Variants in USP19 observed in about 807,000 individuals in gnomAD.
USP19 encodes the protein ubiquitin specific peptidase 19.
Under a neutral mutation model 144.8 loss-of-function variants are expected in USP19, and 40 were observed. The ratio of observed to expected loss-of-function variants is 0.28; its 90% CI spans 0.21 to 0.36. The LOEUF is 0.36. USP19 is among the 10% of genes least tolerant of loss of function. USP19 has a pLI of 1.00. For missense variants in USP19, 1,518 were observed against 1,822.5 expected (o/e 0.83, Z 3.04); for synonymous variants, 701 against 709.3 (o/e 0.99, Z 0.19).
rs1476776437 is a variant in USP19, at chr3:49,111,545, C to T, written c.3172G>A (p.Glu1058Lys). 6.2e-7 allele frequency: 1 copy of T among 1,612,648 alleles called. No homozygotes were observed. Among genetic ancestry groups the T allele is most frequent in the South Asian group, 1.1e-5 (1 of 91,072 alleles). Reference sequence around the variant, plus strand: ...TCGCCAGCTGGCAAGGAGCCAACCTCAATGGGCCCACTGGCCAGCATCTCA... The same window carrying T: ...TCGCCAGCTGGCAAGGAGCCAACCTTAATGGGCCCACTGGCCAGCATCTCA... Reference protein sequence around the residue: ...SSEMLASGPIEVGSLPAGERV... With the variant: ...SSEMLASGPIKVGSLPAGERV... Residue 1058 changes from glutamate to lysine, a missense_variant, in exon 21 of 27, where the codon GAG becomes AAG. Coordinates refer to ENST00000417901, the MANE Select transcript of USP19 (RefSeq NM_001199161.2). This position sits in a 1 kb window ranked among gnomAD's most constrained non-coding sequence, Gnocchi z 5.9.
rs1489017252 is a variant in USP19, at chr3:49,110,218, T to C, written c.4004A>G (p.Asp1335Gly). The change falls in exon 26 of 27, where the codon GAC (aspartate) becomes GGC (glycine). Residue 1335 changes from aspartate to glycine, a missense_variant. Physicochemically the swap from Asp to Gly is moderately conservative, Grantham distance 94. This residue lies in a region of USP19 where 118 missense variants were observed against 100.2 expected (regional missense o/e 1.18). Transcript: ENST00000417901. The surrounding 1 kb of genome is among the most constrained non-coding windows in gnomAD (Gnocchi z 6.1). ...PRAGHSEHHP[D>G]LGPAAEAAAS... is the part of the protein sequence containing the mutation. ...AGCAGCCTCAGCTGCAGGGCCTAGG[T>C]CTGGGTGGTGCTCAGAGTGACCTGC... 3.2e-6 allele frequency: 5 copies of C among 1,558,530 alleles called. No homozygotes were observed. Among genetic ancestry groups the C allele is most frequent in the Non-Finnish European group, 4.3e-6 (5 of 1,152,300 alleles).
chr3:49,115,117 C>T lies in USP19; in HGVS notation c.2023G>A (p.Ala675Thr), dbSNP rs533337674. 1 of 1,613,910 alleles carries T rather than the reference C, an allele frequency of 6.2e-7. No individual in the cohort carries two copies. The highest frequency in any genetic ancestry group is 2.2e-5 in the East Asian group (1 of 44,870). ...HHAFQPSKLK[A>T]IVASKASQFT... The stretch of plus-strand genomic sequence containing the variant: ...TGGCTGGCCTTACTCGCCACAATGG[C>T]CTGGATACAGGAGCCAAGGTGTGAA... The change falls in exon 14 of 27, where the codon GCC (alanine) becomes ACC (threonine). Residue 675 changes from alanine to threonine, a missense_variant and splice_region_variant. Around this residue, in one of 5 missense-constraint regions of USP19, gnomAD observed 158 missense variants for 277.3 expected, o/e 0.57. Coordinates refer to ENST00000417901, the MANE Select transcript of USP19 (RefSeq NM_001199161.2). This position sits in a 1 kb window ranked among gnomAD's most constrained non-coding sequence, Gnocchi z 6.6.
At position 49,116,872 on chromosome 3, in the gene USP19, A is replaced by G. The variant is rs542755150; in HGVS notation, c.981T>C (p.Asn327=). 1 of 1,614,098 alleles carries G rather than the reference A, an allele frequency of 6.2e-7. No individual in the cohort carries two copies. The highest frequency in any genetic ancestry group is 1.3e-5 in the African/African-American group (1 of 75,024). The change falls in exon 7 of 27, where the codon AAT becomes AAC. Residue 327 remains asparagine (N), a synonymous_variant. Transcript: ENST00000417901. This position sits in a 1 kb window ranked among gnomAD's most constrained non-coding sequence, Gnocchi z 5.0. ...SQTCLLGSEE[N]LAPLAGEKAV... is the part of the protein sequence containing the mutation. Reference sequence around the variant, plus strand: ...CTTTCTCTCCTGCCAAAGGGGCTAAATTCTCCTCTGAGCCCAGGAGGCAGG... The same window carrying G: ...CTTTCTCTCCTGCCAAAGGGGCTAAGTTCTCCTCTGAGCCCAGGAGGCAGG...
chr3:49,113,620 C>G (rs1013794233), intron 17 of USP19, among the ~76,000 whole-genome samples: 2 of 151,724 alleles, frequency 1.3e-5, no homozygotes, highest in African/African-American at 2.4e-5. Flanking sequence ...ATTTTTGAGA[C>G]AGAGTCTCAC....
At position 49,112,078 on chromosome 3, in the gene USP19, C is replaced by T. The variant is rs2043243445; in HGVS notation, c.2766-30G>A. 6.2e-7 allele frequency: 1 copy of T among 1,611,100 alleles called. No individual in the cohort carries two copies. The highest frequency in any genetic ancestry group is 8.5e-7 in the Non-Finnish European group (1 of 1,178,468). On this transcript the variant is annotated intron_variant, in intron 19 of 26. Transcript: ENST00000417901. The surrounding 1 kb of genome is among the most constrained non-coding windows in gnomAD (Gnocchi z 4.9). ...CGGGAAGAGGAAGACAAGGATAGGC[C>T]CTTAGCCCCATCTCCTATGACTCCA...
At position 49,115,767 on chromosome 3, in the gene USP19, G is replaced by A. The variant is rs1333450520; in HGVS notation, c.1649C>T (p.Pro550Leu). ...TGLDSVATRT[P>L]MEHVTPKPET... ...TGGCTTTGGGGTTACATGCTCCATG[G>A]GTGTGCGGGTTGCCACACTGTCTAG... The change falls in exon 11 of 27, where the codon CCC becomes CTC. Residue 550 changes from proline (P) to leucine (L), a missense_variant. Around this residue, in one of 5 missense-constraint regions of USP19, gnomAD observed 707 missense variants for 728.9 expected, o/e 0.97. Coordinates refer to ENST00000417901, the MANE Select transcript of USP19 (RefSeq NM_001199161.2). The surrounding 1 kb of genome is among the most constrained non-coding windows in gnomAD (Gnocchi z 6.6). The A allele has an allele frequency of 6.2e-7, 1 of 1,613,606 alleles. No individual in the cohort carries two copies. Among genetic ancestry groups the A allele is most frequent in the East Asian group, 2.2e-5 (1 of 44,886 alleles).
rs757898243 is a variant in USP19 at position 49,116,797 on chromosome 3, T to A, written c.1056A>T (p.Arg352Ser). The A allele has an allele frequency of 4.3e-6, 7 of 1,614,092 alleles. No homozygotes were observed. The highest frequency in any genetic ancestry group is 5.9e-6 in the Non-Finnish European group (7 of 1,180,024). Residue 352 changes from arginine (R) to serine (S), a missense_variant, in exon 7 of 27, where the codon AGA becomes AGT. Around this residue, in one of 5 missense-constraint regions of USP19, gnomAD observed 707 missense variants for 728.9 expected, o/e 0.97. Transcript: ENST00000417901. The surrounding 1 kb of genome is among the most constrained non-coding windows in gnomAD (Gnocchi z 5.0). The part of the protein sequence containing the change: ...DPVSPAMVRS[R>S]NPGKDDCAKE... ...TGGCACAGTCATCTTTCCCAGGGTT[T>A]CTGCTCCGGACCATGGCTGGAGAGA...
rs1324989501 is a variant in USP19 at position 49,112,925 on chromosome 3, A to G, written c.2506-296T>C. ...GCATAGCCTTATAAGACTGTAACATATTATCATGGAGGGTCCACATTCAAA... is the reference window on the plus strand; with the variant it reads ...GCATAGCCTTATAAGACTGTAACATGTTATCATGGAGGGTCCACATTCAAA... On this transcript the variant is annotated intron_variant, in intron 17 of 26. Coordinates refer to ENST00000417901, the MANE Select transcript of USP19 (RefSeq NM_001199161.2). The surrounding 1 kb of genome is among the most constrained non-coding windows in gnomAD (Gnocchi z 4.9). 1.3e-5 allele frequency among the ~76,000 whole-genome samples: 2 copies of G among 152,148 alleles called. No individual in the cohort carries two copies. The highest frequency in any genetic ancestry group is 1.5e-5 in the Non-Finnish European group (1 of 68,018).
At position 49,115,624 on chromosome 3, in the gene USP19, T is replaced by C. The variant is rs751188703; in HGVS notation, c.1708A>G (p.Met570Val). 4 of 1,609,164 alleles carry C rather than the reference T, an allele frequency of 2.5e-6. No individual in the cohort carries two copies. The highest frequency in any genetic ancestry group is 2.7e-5 in the African/African-American group (2 of 74,960). Residue 570 changes from methionine to valine, a missense_variant, in exon 12 of 27, where the codon ATG (methionine) becomes GTG (valine). Met to Val is a conservative substitution (Grantham distance 21). This residue lies in a region of USP19 where 158 missense variants were observed against 277.3 expected (regional missense o/e 0.57). Transcript: ENST00000417901. This position sits in a 1 kb window ranked among gnomAD's most constrained non-coding sequence, Gnocchi z 6.6. ...THLASPKPTC[M>V]VPPMPHSPVS... ...GGGCTGTGGGGCATGGGAGGCACCA[T>C]GCATGTAGGCTTGGGCTGCAGGAGC... is the stretch of plus-strand genomic sequence containing the variant.
chr3:49,114,693 C>G lies in USP19; in HGVS notation c.2292+70G>C. 1 of 1,534,368 alleles carries G rather than the reference C, an allele frequency of 6.5e-7. No individual in the cohort carries two copies. Among genetic ancestry groups the G allele is most frequent in the Non-Finnish European group, 9.0e-7 (1 of 1,112,266 alleles). On this transcript the variant is annotated intron_variant, in intron 15 of 26. Transcript: ENST00000417901. The surrounding 1 kb of genome is among the most constrained non-coding windows in gnomAD (Gnocchi z 4.5). ...CTGTAGCACCTTAAGATGCACATGC[C>G]TCTGAACCTAATGTGACCAGAATAG... is the stretch of plus-strand genomic sequence containing the variant.
Position 49,108,749 on chromosome 3 carries a change from A to G in USP19, c.4039-221T>C. 1 of 1,382,884 alleles carries G rather than the reference A, an allele frequency of 7.2e-7. No individual in the cohort carries two copies. Among genetic ancestry groups the G allele is most frequent in the Admixed American group, 3.4e-5 (1 of 29,198 alleles). The allele number at this position is 1,382,884 out of a possible 1,614,324, so 85.7% of individuals were successfully genotyped here. On this transcript the variant is annotated intron_variant, in intron 26 of 26. Transcript: ENST00000417901. This position sits in a 1 kb window ranked among gnomAD's most constrained non-coding sequence, Gnocchi z 4.8. ...TTGGGCAGGGCCAAGCCTGAGGCCAAGGGTCAGAGCAGCAGGATGAATGGA... is the reference window on the plus strand; with the variant it reads ...TTGGGCAGGGCCAAGCCTGAGGCCAGGGGTCAGAGCAGCAGGATGAATGGA...
Position 49,116,077 on chromosome 3 carries a change from A to G in USP19, c.1441T>C (p.Trp481Arg), listed in dbSNP as rs2044067201. 1 of 1,610,886 alleles carries G rather than the reference A, an allele frequency of 6.2e-7. No individual in the cohort carries two copies. Among genetic ancestry groups the G allele is most frequent in the Non-Finnish European group, 8.5e-7 (1 of 1,179,236 alleles). The change falls in exon 10 of 27, where the codon TGG becomes CGG. Residue 481 changes from tryptophan (W) to arginine (R), a missense_variant. By Grantham distance (101) the Trp-to-Arg change is moderately radical. Around this residue, in one of 5 missense-constraint regions of USP19, gnomAD observed 707 missense variants for 728.9 expected, o/e 0.97. Transcript: ENST00000417901. This position sits in a 1 kb window ranked among gnomAD's most constrained non-coding sequence, Gnocchi z 5.0. ...ICLRKRQSQR[W>R]GGLEAPAARG... ...GCAGCCGGGGCCTCCAGGCCCCCCC[A>G]GCGCTGACTCTGCCTCTTACGAAGG...
In USP19 at chr3:49,114,035, G is replaced by A. The variant is rs958697566; in HGVS notation, c.2462C>T (p.Ser821Phe). Residue 821 changes from serine to phenylalanine, a missense_variant, in exon 17 of 27, where the codon TCT becomes TTT. By Grantham distance (155) the Ser-to-Phe change is radical. Transcript: ENST00000417901. This position sits in a 1 kb window ranked among gnomAD's most constrained non-coding sequence, Gnocchi z 4.5. The stretch of plus-strand genomic sequence containing the variant: ...CTCAGGCTTCACATGAACACTCTGA[G>A]AGAGGGAGTCCAATACTTCGCTCGC... The part of the protein sequence containing the change: ...STASEVLDSL[S>F]QSVHVKPENL... 1 of 1,614,242 alleles carries A rather than the reference G, an allele frequency of 6.2e-7. No individual in the cohort carries two copies. The highest frequency in any genetic ancestry group is 8.5e-7 in the Non-Finnish European group (1 of 1,180,048).
rs762789955 is a variant in USP19, at chr3:49,114,023, T to C, written c.2474A>G (p.His825Arg). The C allele has an allele frequency of 6.2e-7, 1 of 1,614,204 alleles. No individual in the cohort carries two copies. Among genetic ancestry groups the C allele is most frequent in the Non-Finnish European group, 8.5e-7 (1 of 1,180,044 alleles). The change falls in exon 17 of 27, where the codon CAT (histidine) becomes CGT (arginine). Residue 825 changes from histidine (H) to arginine (R), a missense_variant. Transcript: ENST00000417901. The surrounding 1 kb of genome is among the most constrained non-coding windows in gnomAD (Gnocchi z 4.5). The part of the protein sequence containing the change: ...EVLDSLSQSV[H>R]VKPENLRLAE... ...CAAACGCAGGTTCTCAGGCTTCACATGAACACTCTGAGAGAGGGAGTCCAA... is the reference window on the plus strand; with the variant it reads ...CAAACGCAGGTTCTCAGGCTTCACACGAACACTCTGAGAGAGGGAGTCCAA...
At position 49,111,704 on chromosome 3, in the gene USP19, C is replaced by A; in HGVS notation, c.3013G>T (p.Asp1005Tyr). Reference sequence around the variant, plus strand: ...GGCTGAATGGGGTCTCTCTCGCTGTCCCCAGCCTCCAGGGAACCTGTGGAG... The same window carrying A: ...GGCTGAATGGGGTCTCTCTCGCTGTACCCAGCCTCCAGGGAACCTGTGGAG... ...LLSTGSLEAG[D>Y]SERDPIQPPE... The change falls in exon 21 of 27, where the codon GAC becomes TAC. Residue 1005 changes from aspartate (D) to tyrosine (Y), a missense_variant. Physicochemically the swap from Asp to Tyr is radical, Grantham distance 160. Coordinates refer to ENST00000417901, the MANE Select transcript of USP19 (RefSeq NM_001199161.2). This position sits in a 1 kb window ranked among gnomAD's most constrained non-coding sequence, Gnocchi z 5.9. 6.3e-7 allele frequency: 1 copy of A among 1,592,302 alleles called. No individual in the cohort carries two copies. The highest frequency in any genetic ancestry group is 8.6e-7 in the Non-Finnish European group (1 of 1,167,858).
At chr3:49,120,727 G>A (rs1196266371) in intron 1 of USP19, 29 bp downstream of exon 1, 4 of 189,392 alleles carry the variant, frequency 2.1e-5, no homozygotes, top group African/African-American at 9.6e-5. Flanking sequence ...CTGCGGCCAA[G>A]CCAGCGAGTT....
rs892564521 is a variant in USP19 at position 49,116,261 on chromosome 3, G to A, written c.1355+19C>T. 5 of 1,613,526 alleles carry A rather than the reference G, an allele frequency of 3.1e-6. No individual in the cohort carries two copies. The highest frequency in any genetic ancestry group is 4.2e-6 in the Non-Finnish European group (5 of 1,179,884). The stretch of plus-strand genomic sequence containing the variant: ...CACGGGGTAGGACAGGCACAGTGGT[G>A]GGGCCGGGCACCACCCACCTGAGCT... On this transcript the variant is annotated intron_variant, in intron 9 of 26. Coordinates refer to ENST00000417901, the MANE Select transcript of USP19 (RefSeq NM_001199161.2). This position sits in a 1 kb window ranked among gnomAD's most constrained non-coding sequence, Gnocchi z 5.0.
Position 49,119,130 on chromosome 3 carries a change from T to A in USP19, c.16A>T (p.Ser6Cys). 1 of 1,612,924 alleles carries A rather than the reference T, an allele frequency of 6.2e-7. No individual in the cohort carries two copies. The highest frequency in any genetic ancestry group is 8.5e-7 in the Non-Finnish European group (1 of 1,179,698). MSGGA[S>C]ATGPRRGPPG... ...GGCCCTCTCCTTGGGCCTGTGGCACTGGCCCCGCCAGACATCTTGAGCCGC... is the reference window on the plus strand; with the variant it reads ...GGCCCTCTCCTTGGGCCTGTGGCACAGGCCCCGCCAGACATCTTGAGCCGC... The change falls in exon 2 of 27, where the codon AGT (serine) becomes TGT (cysteine). Residue 6 changes from serine to cysteine, a missense_variant. By Grantham distance (112) the Ser-to-Cys change is moderately radical. Transcript: ENST00000417901.
In USP19 at chr3:49,116,744, G is replaced by C. The variant is rs2044212698; in HGVS notation, c.1109C>G (p.Ala370Gly). ...AKEEMAVAAD[A>G]ATLVDEPESM... ...ACCTTTACCATCCACCAAGGTTGCAGCATCTGCTGCCACTGCCATCTCCTC... is the reference window on the plus strand; with the variant it reads ...ACCTTTACCATCCACCAAGGTTGCACCATCTGCTGCCACTGCCATCTCCTC... The change falls in exon 7 of 27, where the codon GCT becomes GGT. Residue 370 changes from alanine to glycine, a missense_variant. Transcript: ENST00000417901. This position sits in a 1 kb window ranked among gnomAD's most constrained non-coding sequence, Gnocchi z 5.0. 1.2e-6 allele frequency: 2 copies of C among 1,611,614 alleles called. No individual in the cohort carries two copies. The highest frequency in any genetic ancestry group is 1.7e-6 in the Non-Finnish European group (2 of 1,178,484).
Sources: allele counts gnomAD v4.1 joint callset (sites outside exome capture counted in the v4.1 genomes callset), GRCh38; gene constraint gnomAD v4.1.1; regional missense constraint gnomAD v4.1.1; non-coding constraint Gnocchi (gnomAD v3.1); transcripts MANE v1.5; gene names NCBI Gene and HGNC (gene_info 2026-07-23, HGNC 2026-07-21).